KCNIP2: variants seen among roughly 807,000 people sequenced by gnomAD.
KCNIP2 encodes the protein A-type potassium channel modulatory protein KCNIP2.
In KCNIP2, 19 loss-of-function variants were observed where a neutral mutation model predicts 39.0. That is an observed-to-expected ratio of 0.49 (90% CI 0.34 to 0.71). The LOEUF is 0.71. KCNIP2 is among the 30% of genes least tolerant of loss of function. The pLI is 0.01. For missense variants in KCNIP2, 261 were observed against 346.0 expected (o/e 0.75, Z 1.95); for synonymous variants, 111 against 131.2 (o/e 0.85, Z 1.05).
intron 1 of KCNIP2, among the ~76,000 whole-genome samples, chr10:101,840,526 T>C (rs1379609704): frequency 6.8e-6 from 1 of 147,538 alleles, no homozygotes; most frequent in Admixed American, 6.8e-5. Flanking sequence ...TACAGCCGAA[T>C]GCTTCGAGAA....
At chr10:101,839,851 C>G in intron 1 of KCNIP2, 1 of 1,588,716 alleles carries the variant, frequency 6.3e-7, no homozygotes, top group Non-Finnish European at 8.6e-7. Flanking sequence ...GGTTTGGCGG[C>G]GAGCTCGGCG....
chr10:101,829,043 C>G, intron 4 of KCNIP2, 32 bp downstream of exon 4: 1 of 1,605,210 alleles, frequency 6.2e-7, no homozygotes, highest in Middle Eastern at 1.7e-4. Flanking sequence ...CCTGTCCCAC[C>G]CTCGCTGAGT....
At chr10:101,841,247 G>A (rs973089036) in intron 1 of KCNIP2, among the ~76,000 whole-genome samples, 4 of 152,232 alleles carry the variant, frequency 2.6e-5, no homozygotes, top group Non-Finnish European at 5.9e-5. Context: ...GGGCCGGGAA[G>A]ACGGGAGCTG....
intron 2 of KCNIP2, among the ~76,000 whole-genome samples, chr10:101,830,780 A>ACACACACACG (rs990978925): frequency 2.3e-4 from 30 of 132,204 alleles, no homozygotes; most frequent in African/African-American, 7.5e-4. Flanking sequence ...ACACACACAC[A>ACACACACACG]CGCGCGCGGG....
intron 1 of KCNIP2, among the ~76,000 whole-genome samples, chr10:101,836,031 A>G (rs540143585): frequency 2.0e-5 from 3 of 152,110 alleles, no homozygotes; most frequent in Non-Finnish European, 4.4e-5. Flanking sequence ...ATTTAGGGGG[A>G]TTGGCCCCAG....
chr10:101,835,501 C>T (rs966028942), intron 1 of KCNIP2, among the ~76,000 whole-genome samples: 4 of 152,074 alleles, frequency 2.6e-5, no homozygotes, highest in Admixed American at 2.0e-4. Flanking sequence ...GGACCTCATC[C>T]GGGAGATGCT....
chr10:101,836,691 G>A (rs1241497080), intron 1 of KCNIP2, among the ~76,000 whole-genome samples: 1 of 152,202 alleles, frequency 6.6e-6, no homozygotes, highest in African/African-American at 2.4e-5. Flanking sequence ...GGCTGGGCAA[G>A]GTGGCTCATG....
chr10:101,828,635 G>C lies in KCNIP2; in HGVS notation c.410C>G (p.Pro137Arg), dbSNP rs774709500. Residue 137 changes from proline to arginine, a missense_variant, in exon 5 of 10, where the codon CCT becomes CGT. By Grantham distance (103) the Pro-to-Arg change is moderately radical. Coordinates refer to ENST00000356640, the MANE Select transcript of KCNIP2 (RefSeq NM_173191.3). This position sits in a 1 kb window ranked among gnomAD's most constrained non-coding sequence, Gnocchi z 6.6. ...NFKQIYSQFF[P>R]QGDSSTYATF... ...GGGCCTTGTCCCCTCACCTCCTTGA[G>C]GAAAGAACTGGGAGTAAATCTGCTT... 1.2e-6 allele frequency: 2 copies of C among 1,614,080 alleles called. No individual in the cohort carries two copies. Among genetic ancestry groups the C allele is most frequent in the South Asian group, 2.2e-5 (2 of 91,074 alleles).
intron 1 of KCNIP2, among the ~76,000 whole-genome samples, chr10:101,841,001 C>T (rs973140033): frequency 2.6e-5 from 4 of 152,256 alleles, no homozygotes; most frequent in Non-Finnish European, 5.9e-5. Context: ...CGCTGCTAAA[C>T]GCGGCCTTTC....
Position 101,827,296 on chromosome 10 carries a change from C to G in KCNIP2, c.*57G>C, listed in dbSNP as rs1427136093. The G allele has an allele frequency of 1.3e-6, 2 of 1,539,600 alleles. No homozygotes were observed. The highest frequency in any genetic ancestry group is 1.8e-6 in the Non-Finnish European group (2 of 1,139,136). ...CTGGGAAGAGAAGGGTGAGGTCCGC[C>G]TGGACTAGGGTTAGAGCATGGTCCC... On this transcript the variant is annotated 3_prime_UTR_variant, in exon 10 of 10. Transcript: ENST00000356640.
chr10:101,834,903 CCTCTT>C (rs1333433673), intron 1 of KCNIP2, among the ~76,000 whole-genome samples: 1 of 152,216 alleles, frequency 6.6e-6, no homozygotes, highest in Non-Finnish European at 1.5e-5. Context: ...GCATATGTCT[CCTCTT>C]ATGTGTGTCT....
chr10:101,832,708 C>T (rs763947764), intron 1 of KCNIP2, among the ~76,000 whole-genome samples: 1 of 152,132 alleles, frequency 6.6e-6, no homozygotes, highest in African/African-American at 2.4e-5. Flanking sequence ...AGCTGGATTG[C>T]GCCTGGGGCC....
chr10:101,843,421 G>T lies in KCNIP2; in HGVS notation c.73+75C>A. 1.0e-6 allele frequency: 1 copy of T among 987,428 alleles called. No homozygotes were observed. Among genetic ancestry groups the T allele is most frequent in the Non-Finnish European group, 1.4e-6 (1 of 709,534 alleles). The allele number at this position is 987,428 out of a possible 1,614,324, so 61.2% of individuals were successfully genotyped here. On this transcript the variant is annotated intron_variant, in intron 1 of 9. Coordinates refer to ENST00000356640, the MANE Select transcript of KCNIP2 (RefSeq NM_173191.3). The surrounding 1 kb of genome is among the most constrained non-coding windows in gnomAD (Gnocchi z 6.7). ...GCAGAGTGTGGGTGCGGGCCAGGCC[G>T]GGGTCGGAGAGGCGGAAGGGTCTGG...
At chr10:101,832,930 T>C (rs1267463652) in intron 1 of KCNIP2, among the ~76,000 whole-genome samples, 1 of 152,212 alleles carries the variant, frequency 6.6e-6, no homozygotes, top group Non-Finnish European at 1.5e-5. Flanking sequence ...CTTTTCCAGA[T>C]TGAATGAGAA....
intron 1 of KCNIP2, among the ~76,000 whole-genome samples, chr10:101,837,428 T>C (rs2066196807): frequency 6.6e-6 from 1 of 152,144 alleles, no homozygotes; most frequent in Non-Finnish European, 1.5e-5. Flanking sequence ...CCCAGCACTT[T>C]GGGAGGCCGA....
intron 1 of KCNIP2, among the ~76,000 whole-genome samples, chr10:101,832,296 C>CTGTGTGTGTGTGTGTGTGTG (rs57005983): frequency 2.9e-5 from 4 of 139,976 alleles, no homozygotes; most frequent in African/African-American, 1.1e-4. Context: ...CTCAGTGTTA[C>CTGTGTGTGTGTGTGTGTGTG]TGTGTGTGTG....
At chr10:101,833,526 A>C (rs376380526) in intron 1 of KCNIP2, among the ~76,000 whole-genome samples, 19 of 152,150 alleles carry the variant, frequency 1.2e-4, no homozygotes, top group African/African-American at 4.6e-4. Context: ...CCTCCTCCCA[A>C]GCCTTGGGTA....
chr10:101,828,421 C>A lies in KCNIP2; in HGVS notation c.457G>T (p.Asp153Tyr). 3 of 1,614,090 alleles carry A rather than the reference C, an allele frequency of 1.9e-6. No homozygotes were observed. In the South Asian group the frequency reaches 3.3e-5, roughly 18 times the overall value. Residue 153 changes from aspartate to tyrosine, a missense_variant, in exon 6 of 10, where the codon GAC (aspartate) becomes TAC (tyrosine). Coordinates refer to ENST00000356640, the MANE Select transcript of KCNIP2 (RefSeq NM_173191.3). The surrounding 1 kb of genome is among the most constrained non-coding windows in gnomAD (Gnocchi z 6.6). ...CTGACCGAGCCATCATGGTTGGTGT[C>A]AAAGGCATTGAAGAGAAAAGTGGCA... ...TYATFLFNAF[D>Y]TNHDGSVSFE...
At chr10:101,831,615 T>A (rs1420066228) in intron 1 of KCNIP2, among the ~76,000 whole-genome samples, 3 of 151,990 alleles carry the variant, frequency 2.0e-5, no homozygotes, top group Non-Finnish European at 2.9e-5. Flanking sequence ...TGATATCCAG[T>A]AACTCACACC....
Sources: allele counts gnomAD v4.1 joint callset (sites outside exome capture counted in the v4.1 genomes callset), GRCh38; gene constraint gnomAD v4.1.1; non-coding constraint Gnocchi (gnomAD v3.1); transcripts MANE v1.5; gene names NCBI Gene and HGNC (gene_info 2026-07-23, HGNC 2026-07-21).